Variants in CPNE4 observed in about 807,000 individuals in gnomAD.
The protein encoded by CPNE4 is copine 4, also known as copine-4.
Under a neutral mutation model 67.9 loss-of-function variants are expected in CPNE4, and 25 were observed. The ratio of observed to expected loss-of-function variants is 0.37; its 90% CI spans 0.27 to 0.51. The LOEUF (loss-of-function observed/expected upper bound fraction) is 0.51, where lower values mean the gene tolerates loss of function less well. CPNE4 is among the 20% of genes least tolerant of loss of function. CPNE4 has a pLI of 0.93. For missense variants in CPNE4, 464 were observed against 690.8 expected (o/e 0.67, Z 3.68); for synonymous variants, 242 against 244.9 (o/e 0.99, Z 0.11).
intron 2 of CPNE4, among the ~76,000 whole-genome samples, chr3:131,898,778 T>C (rs2088436187): frequency 6.6e-6 from 1 of 152,136 alleles, no homozygotes; most frequent in Non-Finnish European, 1.5e-5. Context: ...TTGTTTTCTT[T>C]TATATTCAAT....
chr3:131,792,646 TGTATATATAC>T (rs1560321600), intron 2 of CPNE4, among the ~76,000 whole-genome samples: 12 of 72,938 alleles, frequency 1.6e-4, no homozygotes, highest in Non-Finnish European at 1.9e-4. Context: ...CGTGTATATA[TGTATATATAC>T]ACACGTGTAT....
At chr3:131,773,351 A>T (rs199835521) in intron 2 of CPNE4, among the ~76,000 whole-genome samples, 1 of 151,284 alleles carries the variant, frequency 6.6e-6, no homozygotes, top group Non-Finnish European at 1.5e-5. Flanking sequence ...AGTTTTATTT[A>T]TTATTTATTT....
intron 1 of CPNE4, among the ~76,000 whole-genome samples, chr3:132,032,749 G>A (rs1006260252): frequency 7.2e-5 from 11 of 152,152 alleles, no homozygotes; most frequent in Admixed American, 6.5e-5. Flanking sequence ...GTTCAGCCTA[G>A]AAGCAGCAGC....
intron 2 of CPNE4, among the ~76,000 whole-genome samples, chr3:131,754,286 A>G (rs2082702543): frequency 6.6e-6 from 1 of 152,134 alleles, no homozygotes; most frequent in African/African-American, 2.4e-5. Context: ...AAAACCAAAA[A>G]GGTTATATTC....
chr3:131,538,253 G>A (rs368951923), intron 15 of CPNE4, among the ~76,000 whole-genome samples: 2 of 152,210 alleles, frequency 1.3e-5, no homozygotes, highest in East Asian at 3.8e-4. Context: ...TTGAGTCCTT[G>A]AAATAAAGCA....
intron 1 of CPNE4, among the ~76,000 whole-genome samples, chr3:131,956,273 A>G (rs779961034): frequency 6.6e-6 from 1 of 152,128 alleles, no homozygotes; most frequent in African/African-American, 2.4e-5. Context: ...TGAAATACAT[A>G]TAATTACCAG....
At chr3:131,886,084 C>T (rs1038685579) in intron 2 of CPNE4, among the ~76,000 whole-genome samples, 1 of 152,234 alleles carries the variant, frequency 6.6e-6, no homozygotes, top group Non-Finnish European at 1.5e-5. Flanking sequence ...ATCTTCACAG[C>T]AGCCCCTCCC....
chr3:131,819,610 G>T (rs1231667251), intron 2 of CPNE4, among the ~76,000 whole-genome samples: 1 of 152,058 alleles, frequency 6.6e-6, no homozygotes, highest in Non-Finnish European at 1.5e-5. Flanking sequence ...AATTAATTCA[G>T]TGTTAAACAT....
chr3:131,885,818 A>G (rs1417490523), intron 2 of CPNE4, among the ~76,000 whole-genome samples: 4 of 152,088 alleles, frequency 2.6e-5, no homozygotes, highest in Admixed American at 1.3e-4. Flanking sequence ...GCGATAGTTT[A>G]CTGAGAATGA....
chr3:131,960,690 T>C (rs1210615958), intron 1 of CPNE4, among the ~76,000 whole-genome samples: 1 of 152,218 alleles, frequency 6.6e-6, no homozygotes, highest in African/African-American at 2.4e-5. Context: ...AGAACCTCAC[T>C]GATGCCAGCT....
rs139060821 is a variant in CPNE4 at position 131,723,482 on chromosome 3, G to A, written c.324C>T (p.Ala108=). 285 of 1,613,388 alleles carry A rather than the reference G, an allele frequency of 1.8e-4. No homozygotes were observed. The African/African-American group carries it at 2.1e-3, about 12-fold the overall frequency. The part of the protein sequence containing the change: ...ISSNHNGLKE[A]DFLGGMECTL... ...TGCACTCCATGCCACCAAGGAAGTCGGCCTCCTTCAGCCCATTGTGGTTGC... is the reference window on the plus strand; with the variant it reads ...TGCACTCCATGCCACCAAGGAAGTCAGCCTCCTTCAGCCCATTGTGGTTGC... Residue 108 remains alanine, a synonymous_variant, in exon 3 of 16, where the codon GCC becomes GCT. Transcript: ENST00000429747.
chr3:132,019,219 A>T (rs1289479416), intron 1 of CPNE4, among the ~76,000 whole-genome samples: 1 of 152,218 alleles, frequency 6.6e-6, no homozygotes, highest in Non-Finnish European at 1.5e-5. Context: ...AACAAGCAAG[A>T]AAGCAAGTTG....
intron 10 of CPNE4, among the ~76,000 whole-genome samples, chr3:131,570,557 G>C (rs1359872346): frequency 6.6e-6 from 1 of 151,888 alleles, no homozygotes; most frequent in African/African-American, 2.4e-5. Flanking sequence ...CTAGTATCTG[G>C]TTTTATTTTT....
chr3:131,995,065 G>C, intron 1 of CPNE4, among the ~76,000 whole-genome samples: 1 of 152,140 alleles, frequency 6.6e-6, no homozygotes, highest in South Asian at 2.1e-4. Context: ...ATATTGCCCA[G>C]GCTGGTCCCA....
intron 2 of CPNE4, among the ~76,000 whole-genome samples, chr3:131,893,229 C>T (rs967224377): frequency 6.6e-6 from 1 of 151,664 alleles, no homozygotes; most frequent in Non-Finnish European, 1.5e-5. Flanking sequence ...TAAAAAGAGA[C>T]AAAGAAGAGC....
At chr3:131,546,942 G>A (rs1410183194) in intron 14 of CPNE4, among the ~76,000 whole-genome samples, 1 of 152,088 alleles carries the variant, frequency 6.6e-6, no homozygotes, top group East Asian at 1.9e-4. Flanking sequence ...TATATGTTGA[G>A]TTTCTAAGCA....
At chr3:131,881,380 C>A (rs1423456680) in intron 2 of CPNE4, among the ~76,000 whole-genome samples, 2 of 152,116 alleles carry the variant, frequency 1.3e-5, no homozygotes. Flanking sequence ...TTTGTTAAAC[C>A]TTCCCTAAAC....
intron 1 of CPNE4, among the ~76,000 whole-genome samples, chr3:132,013,279 A>C (rs1020791413): frequency 3.3e-5 from 5 of 152,214 alleles, no homozygotes; most frequent in Admixed American, 6.5e-5. Context: ...AGGCAATTAC[A>C]TTGAGTTAAA....
chr3:131,720,291 T>C lies in CPNE4; in HGVS notation c.360+3155A>G, dbSNP rs1031504379. Among the ~76,000 whole-genome samples, 24 of 150,118 alleles carry C rather than the reference T, an allele frequency of 1.6e-4. No individual in the cohort carries two copies. In the South Asian group the frequency reaches 5.2e-3, roughly 32 times the overall value. On this transcript the variant is annotated intron_variant, in intron 3 of 15. Transcript: ENST00000429747. Reference sequence around the variant, plus strand: ...CCTTAGGAACAGGAATGGGTTTTTTTTTTTTTTTTTTTTGAGACGGAGTCT... The same window carrying C: ...CCTTAGGAACAGGAATGGGTTTTTTCTTTTTTTTTTTTTGAGACGGAGTCT...
Sources: allele counts gnomAD v4.1 joint callset (sites outside exome capture counted in the v4.1 genomes callset), GRCh38; gene constraint gnomAD v4.1.1; transcripts MANE v1.5; gene names NCBI Gene and HGNC (gene_info 2026-07-23, HGNC 2026-07-21).